The following ANKRD45 variants were observed in gnomAD, a reference collection of about 807,000 sequenced individuals.
The protein encoded by ANKRD45 is ankyrin repeat domain 45.
ANKRD45 carries 21 observed loss-of-function variants against 28.1 expected under a neutral mutation model. That is an observed-to-expected ratio of 0.75 (90% CI 0.53 to 1.08). The LOEUF (loss-of-function observed/expected upper bound fraction) is 1.08, where lower values mean the gene tolerates loss of function less well. Ranked by LOEUF, ANKRD45 falls within the 50% of genes least tolerant of loss-of-function variation. The pLI is 0.00. For missense variants in ANKRD45, 261 were observed against 308.7 expected, an observed-to-expected ratio of 0.85 and a Z score of 1.16; for synonymous variants, 86 against 103.9, an observed-to-expected ratio of 0.83 and a Z score of 1.05.
chr1:173,611,559 A>G (rs1667150190), intron 5 of ANKRD45, among the ~76,000 whole-genome samples: 1 of 146,300 alleles, frequency 6.8e-6, no homozygotes, highest in Admixed American at 7.0e-5. Flanking sequence ...TTGGACCCCT[A>G]TGGCCTAATA....
chr1:173,635,645 G>A (rs1558128278), intron 3 of ANKRD45: 1 of 1,535,672 alleles, frequency 6.5e-7, no homozygotes. Flanking sequence ...TCCAGAAGAA[G>A]TACATTATTG....
At chr1:173,683,058 G>T in the ANKRD45 span, among the ~76,000 whole-genome samples, 1 of 151,558 alleles carries the variant, frequency 6.6e-6, no homozygotes, top group African/African-American at 2.4e-5. Flanking sequence ...CTTCGGATTT[G>T]ATCAAGTTCA....
chr1:173,644,832 A>T (rs1380108933), intron 3 of ANKRD45, among the ~76,000 whole-genome samples: 1 of 152,130 alleles, frequency 6.6e-6, no homozygotes, highest in African/African-American at 2.4e-5. Flanking sequence ...GTCTCTACTT[A>T]AAATATAAAA....
the ANKRD45 span, among the ~76,000 whole-genome samples, chr1:173,691,139 T>A: frequency 1.3e-5 from 2 of 152,232 alleles, no homozygotes; most frequent in Admixed American, 6.5e-5. Context: ...AGGGAAATAC[T>A]TTACTGGCTC....
At position 173,627,149 on chromosome 1, in the gene ANKRD45, C is replaced by G; in HGVS notation, c.507G>C (p.Leu169=). ...CTTTTGCAATATATTTTTTCAGAGT[C>G]AGCCTTGCATCTGAAAGAATGGACA... ...VEFLDWADAR[L]TLKKYIAKVS... Residue 169 remains leucine, a synonymous_variant, in exon 4 of 6, where the codon CTG becomes CTC. Transcript: ENST00000333279. 6.2e-7 allele frequency: 1 copy of G among 1,610,490 alleles called. No homozygotes were observed. Among genetic ancestry groups the G allele is most frequent in the Non-Finnish European group, 8.5e-7 (1 of 1,177,982 alleles).
intron 1 of ANKRD45, among the ~76,000 whole-genome samples, chr1:173,667,890 C>G (rs1047677366): frequency 6.6e-6 from 1 of 152,110 alleles, no homozygotes; most frequent in South Asian, 2.1e-4. Context: ...ACTGCAGAAG[C>G]AGACATAAGA....
At chr1:173,610,357 G>C (rs1196354582) in intron 5 of ANKRD45, 142 bp from the exon 6 acceptor site, 14 of 728,412 alleles carry the variant, frequency 1.9e-5, no homozygotes, top group Non-Finnish European at 2.3e-5. Context: ...TAGTGTTGTT[G>C]GTATGTCATT....
chr1:173,626,445 AAAT>A (rs1667940934), intron 4 of ANKRD45, among the ~76,000 whole-genome samples: 1 of 152,216 alleles, frequency 6.6e-6, no homozygotes, highest in African/African-American at 2.4e-5. Flanking sequence ...TTGACACATT[AAAT>A]AATATGCAAT....
At chr1:173,661,118 A>T (rs147671805) in intron 1 of ANKRD45, among the ~76,000 whole-genome samples, 1 of 152,304 alleles carries the variant, frequency 6.6e-6, no homozygotes, top group Non-Finnish European at 1.5e-5. Context: ...TAGGAATACA[A>T]GTAGATGCAG....
the ANKRD45 span, among the ~76,000 whole-genome samples, chr1:173,700,569 G>A: frequency 0.17 from 25,892 of 152,112 alleles, 2,382 homozygotes; most frequent in Middle Eastern, 0.32. Flanking sequence ...CAAGAAATGG[G>A]GAAAGGAGTC....
chr1:173,630,366 C>T (rs181786976), intron 3 of ANKRD45, among the ~76,000 whole-genome samples: 4 of 151,942 alleles, frequency 2.6e-5, no homozygotes, highest in East Asian at 3.9e-4. Flanking sequence ...AAGACATAGG[C>T]GGTACAATAG....
intron 3 of ANKRD45, among the ~76,000 whole-genome samples, chr1:173,642,718 G>T (rs1192507326): frequency 6.6e-6 from 1 of 152,114 alleles, no homozygotes; most frequent in Non-Finnish European, 1.5e-5. Flanking sequence ...AAGTGTTTTT[G>T]CCTCTCTCAG....
At chr1:173,615,813 T>C (rs1667438090) in intron 5 of ANKRD45, among the ~76,000 whole-genome samples, 1 of 151,856 alleles carries the variant, frequency 6.6e-6, no homozygotes, top group Non-Finnish European at 1.5e-5. Flanking sequence ...GATAAATAGA[T>C]TAAATTTGGG....
chr1:173,626,501 T>C (rs1354041146), intron 4 of ANKRD45, among the ~76,000 whole-genome samples: 2 of 152,140 alleles, frequency 1.3e-5, no homozygotes, highest in African/African-American at 4.8e-5. Flanking sequence ...ACAATGTATA[T>C]CTCAGTTTTG....
chr1:173,611,592 C>T (rs1003104622), intron 5 of ANKRD45, among the ~76,000 whole-genome samples: 1 of 145,120 alleles, frequency 6.9e-6, no homozygotes, highest in Non-Finnish European at 1.5e-5. Context: ...CACACACACA[C>T]ACACACACAC....
intron 3 of ANKRD45, among the ~76,000 whole-genome samples, chr1:173,637,923 G>T (rs116477075): frequency 6.6e-6 from 1 of 152,192 alleles, no homozygotes; most frequent in Non-Finnish European, 1.5e-5. Context: ...AGCCCCTGGA[G>T]GACAGCCAGG....
rs766816691 is a variant in ANKRD45, at chr1:173,659,318, C to A, written c.101G>T (p.Gly34Val). The A allele has an allele frequency of 6.2e-7, 1 of 1,613,394 alleles. No individual in the cohort carries two copies. The highest frequency in any genetic ancestry group is 8.5e-7 in the Non-Finnish European group (1 of 1,179,690). The change falls in exon 2 of 6, where the codon GGC becomes GTC. Residue 34 changes from glycine to valine, a missense_variant. Coordinates refer to ENST00000333279, the MANE Select transcript of ANKRD45 (RefSeq NM_198493.3). ...AGGTTGTAAAAGGGGGTTCTTAGGGCCTGTTTCCTCTGGTTCTTGGGCTTC... is the reference window on the plus strand; with the variant it reads ...AGGTTGTAAAAGGGGGTTCTTAGGGACTGTTTCCTCTGGTTCTTGGGCTTC... Reference protein sequence around the residue: ...EEEAQEPEETGPKNPLLQPAL... With the variant: ...EEEAQEPEETVPKNPLLQPAL...
chr1:173,643,046 C>A (rs956680790), intron 3 of ANKRD45, among the ~76,000 whole-genome samples: 2 of 152,074 alleles, frequency 1.3e-5, no homozygotes, highest in African/African-American at 4.8e-5. Context: ...TATACTATCA[C>A]TGCTACATGT....
intron 1 of ANKRD45, among the ~76,000 whole-genome samples, chr1:173,663,210 G>C (rs941305385): frequency 6.6e-6 from 1 of 152,210 alleles, no homozygotes; most frequent in East Asian, 1.9e-4. Flanking sequence ...GCACAAGCCT[G>C]GGGGCAGGCA....
Sources: allele counts gnomAD v4.1 joint callset (sites outside exome capture counted in the v4.1 genomes callset), GRCh38; gene constraint gnomAD v4.1.1; transcripts MANE v1.5; gene names NCBI Gene and HGNC (gene_info 2026-07-23, HGNC 2026-07-21).